FGF13: variants seen among roughly 807,000 people sequenced by gnomAD.
The protein encoded by FGF13 is fibroblast growth factor homologous factor 2.
FGF13 carries 2 observed loss-of-function variants against 19.5 expected under a neutral mutation model. The observed-to-expected ratio is 0.10, with a 90% CI of 0.04 to 0.32. FGF13 has a LOEUF of 0.32. Among genes scored for constraint, FGF13 ranks in the 10% least tolerant of loss-of-function variants. The probability of loss-of-function intolerance (pLI) is 1.00; values close to 1 mark genes in which losing one functional copy is unlikely to be tolerated. For missense variants in FGF13, 113 were observed against 192.7 expected (o/e 0.59, Z 2.45); for synonymous variants, 72 against 76.9 (o/e 0.94, Z 0.33).
chrX:139,102,879 G>A (rs1472156618), intron 1 of FGF13, among the ~76,000 whole-genome samples: 1 of 112,623 alleles, frequency 8.9e-6, no homozygotes, highest in East Asian at 2.8e-4. Flanking sequence ...CCATAAAACA[G>A]AAAGGCATTT....
intron 3 of FGF13, among the ~76,000 whole-genome samples, chrX:138,664,380 G>A (rs189533515): frequency 9.0e-5 from 10 of 111,289 alleles, no homozygotes; most frequent in Non-Finnish European, 1.7e-4. Flanking sequence ...TAGTCAGGTC[G>A]GAAATGTTAT....
At chrX:138,951,645 C>T (rs900704999) in intron 1 of FGF13, among the ~76,000 whole-genome samples, 3 of 111,513 alleles carry the variant, frequency 2.7e-5, no homozygotes, top group Admixed American at 9.6e-5. Flanking sequence ...ACAATACTTA[C>T]CATGGAAATA....
chrX:138,768,568 AAT>A (rs1470781112), intron 3 of FGF13, among the ~76,000 whole-genome samples: 2 of 109,015 alleles, frequency 1.8e-5, no homozygotes, highest in Non-Finnish European at 3.8e-5. Context: ...ACAAAATTAA[AAT>A]ATGTCATTCC....
chrX:139,134,828 T>G (rs1423165485), intron 1 of FGF13, among the ~76,000 whole-genome samples: 1 of 111,442 alleles, frequency 9.0e-6, no homozygotes, highest in Non-Finnish European at 1.9e-5. Context: ...TTTGTATTGT[T>G]GTAGAGATGG....
chrX:139,120,229 G>T (rs1230079502), intron 1 of FGF13, among the ~76,000 whole-genome samples: 2 of 112,242 alleles, frequency 1.8e-5, no homozygotes, highest in Non-Finnish European at 3.8e-5. Flanking sequence ...AAATTACCCA[G>T]TCTCAAGTAG....
At chrX:138,750,274 T>G (rs1602783334) in intron 3 of FGF13, among the ~76,000 whole-genome samples, 1 of 112,088 alleles carries the variant, frequency 8.9e-6, no homozygotes, top group African/African-American at 3.2e-5. Flanking sequence ...TTTAAATAAC[T>G]ATGGTTAGGT....
intron 1 of FGF13, among the ~76,000 whole-genome samples, chrX:139,177,238 C>CTTTTTTTTTT (rs35867493): frequency 1.8e-4 from 9 of 49,943 alleles, no homozygotes; most frequent in East Asian, 7.2e-4. Context: ...GCAACCCCTG[C>CTTTTTTTTTT]TTTTTTTTTT....
At chrX:138,811,126 C>T (rs1418345703) in intron 3 of FGF13, among the ~76,000 whole-genome samples, 1 of 111,941 alleles carries the variant, frequency 8.9e-6, no homozygotes, top group African/African-American at 3.3e-5. Context: ...AATCATGCTG[C>T]TATAAAGACA....
intron 3 of FGF13, among the ~76,000 whole-genome samples, chrX:138,758,201 T>C (rs2090443691): frequency 9.0e-6 from 1 of 111,293 alleles, no homozygotes; most frequent in Admixed American, 9.5e-5. Context: ...TCAGGGAACC[T>C]AGTCCTCTCC....
At chrX:138,827,889 T>C (rs749068198) in intron 3 of FGF13, among the ~76,000 whole-genome samples, 2 of 112,167 alleles carry the variant, frequency 1.8e-5, no homozygotes, top group Non-Finnish European at 3.8e-5. Flanking sequence ...AATCTTATCA[T>C]TGTCTCTATT....
intron 1 of FGF13, among the ~76,000 whole-genome samples, chrX:139,082,072 T>C (rs937847002): frequency 1.8e-5 from 2 of 111,348 alleles, no homozygotes; most frequent in African/African-American, 6.5e-5. Flanking sequence ...TGATCTCTGG[T>C]TATTCCTCTG....
At chrX:139,118,881 C>T (rs1404579481) in intron 1 of FGF13, among the ~76,000 whole-genome samples, 1 of 110,953 alleles carries the variant, frequency 9.0e-6, no homozygotes, top group Non-Finnish European at 1.9e-5. Flanking sequence ...AAAAAAATAG[C>T]TAGGTGTGCT....
chrX:138,644,549 G>A (rs1226238312), intron 3 of FGF13, among the ~76,000 whole-genome samples: 2 of 111,244 alleles, frequency 1.8e-5, no homozygotes, highest in Non-Finnish European at 3.8e-5. Context: ...CAAAGTGCTG[G>A]GATTACAGGT....
chrX:139,073,529 CTCTT>C (rs1406471908), intron 1 of FGF13, among the ~76,000 whole-genome samples: 1 of 111,297 alleles, frequency 9.0e-6, no homozygotes, highest in Non-Finnish European at 1.9e-5. Context: ...AATTATATCT[CTCTT>C]TCTTGTGTTA....
chrX:139,001,799 G>C (rs1794120488), intron 1 of FGF13, among the ~76,000 whole-genome samples: 2 of 111,664 alleles, frequency 1.8e-5, no homozygotes, highest in South Asian at 7.5e-4. Context: ...CAAGGATCTA[G>C]AACTAGAAAT....
At chrX:138,993,653 A>T (rs921735535) in intron 1 of FGF13, among the ~76,000 whole-genome samples, 2 of 111,826 alleles carry the variant, frequency 1.8e-5, no homozygotes, top group Non-Finnish European at 3.8e-5. Context: ...TCATCAAAAT[A>T]ACAGATACAT....
intron 3 of FGF13, among the ~76,000 whole-genome samples, chrX:138,787,821 G>T (rs1229363299): frequency 1.8e-5 from 2 of 109,504 alleles, no homozygotes; most frequent in African/African-American, 3.3e-5. Context: ...TTCTTATAAG[G>T]TCACTAATCC....
At chrX:138,855,697 A>G (rs1382427050), downstream of FGF13, among the ~76,000 whole-genome samples, 1 of 111,724 alleles carries the variant, frequency 9.0e-6, no homozygotes, top group Non-Finnish European at 1.9e-5. Flanking sequence ...CTATTCTCTT[A>G]AGAATTCTCT....
At chrX:138,895,713 T>C (rs1243240771) in intron 1 of FGF13, among the ~76,000 whole-genome samples, 2 of 112,267 alleles carry the variant, frequency 1.8e-5, no homozygotes, top group Non-Finnish European at 3.8e-5. Flanking sequence ...CCCAAGTTCA[T>C]TGCAGTTTTA....
Sources: allele counts gnomAD v4.1 joint callset (sites outside exome capture counted in the v4.1 genomes callset), GRCh38; gene constraint gnomAD v4.1.1; transcripts MANE v1.5; gene names NCBI Gene and HGNC (gene_info 2026-07-23, HGNC 2026-07-21).